ZNF706: variants seen among roughly 807,000 people sequenced by gnomAD.
ZNF706 encodes the protein zinc finger protein 706.
ZNF706 carries 4 observed loss-of-function variants against 9.2 expected under a neutral mutation model. That is an observed-to-expected ratio of 0.43 (90% CI 0.21 to 0.99). ZNF706 has a LOEUF of 0.99. Among genes scored for constraint, ZNF706 ranks in the 50% least tolerant of loss-of-function variants. The pLI is 0.26. For missense variants in ZNF706, 27 were observed against 87.8 expected, an observed-to-expected ratio of 0.31 and a Z score of 2.77; for synonymous variants, 28 against 27.3, an observed-to-expected ratio of 1.03 and a Z score of -0.08.
Position 101,198,899 on chromosome 8 carries a change from A to G in ZNF706, c.*353T>C, listed in dbSNP as rs1237251708. The G allele has an allele frequency of 4.3e-6, 1 of 234,568 alleles. No individual in the cohort carries two copies. 14.5% of individuals were successfully genotyped at this position (234,568 alleles called of 1,614,324 possible). A position where few individuals can be genotyped will look rare whatever the true frequency, so the allele number is the denominator to read the frequency against. Reference sequence around the variant, plus strand: ...TTTTTATAAGGCAAATAATGTGGAAAGTTAGAACAGAATTTCTAAAACCAT... The same window carrying G: ...TTTTTATAAGGCAAATAATGTGGAAGGTTAGAACAGAATTTCTAAAACCAT... On this transcript the variant is annotated 3_prime_UTR_variant, in exon 4 of 4. Coordinates refer to ENST00000311212, the MANE Select transcript of ZNF706 (RefSeq NM_016096.5).
chr8:101,205,955 C>T (rs1385286736), upstream of ZNF706: 1 of 152,284 alleles, frequency 6.6e-6, no homozygotes, highest in Non-Finnish European at 1.5e-5. This position sits in a 1 kb window ranked among gnomAD's most constrained non-coding sequence, Gnocchi z 6.6. Flanking sequence ...GATCCCGGTC[C>T]TGGTTGGTGA....
In ZNF706 at chr8:101,201,573, G is replaced by T. The variant is rs750601874; in HGVS notation, c.135+34C>A. On this transcript the variant is annotated intron_variant, in intron 2 of 3. Coordinates refer to ENST00000311212, the MANE Select transcript of ZNF706 (RefSeq NM_016096.5). The surrounding 1 kb of genome is among the most constrained non-coding windows in gnomAD (Gnocchi z 4.5). ...TCTATTCAAGCCAAAACTGCCCACGGGAGAGCTGTATCTTTCAATTCAATT... is the reference window on the plus strand; with the variant it reads ...TCTATTCAAGCCAAAACTGCCCACGTGAGAGCTGTATCTTTCAATTCAATT... 4 of 1,596,524 alleles carry T rather than the reference G, an allele frequency of 2.5e-6. No homozygotes were observed. The South Asian group carries it at 4.5e-5, about 18-fold the overall frequency.
intron 2 of ZNF706, 116 bp from the exon 3 acceptor site, chr8:101,200,213 T>C (rs1352988791): frequency 2.7e-6 from 2 of 735,884 alleles, no homozygotes; most frequent in East Asian, 2.8e-5. Context: ...CACCTTTAAA[T>C]TCCTACAACT....
In ZNF706 at chr8:101,197,191, T is replaced by C. The variant is rs1348292406; in HGVS notation, c.*2061A>G. The C allele has an allele frequency of 2.0e-5, 3 of 152,178 alleles. No individual in the cohort carries two copies. The highest frequency in any genetic ancestry group is 2.9e-5 in the Non-Finnish European group (2 of 68,024). 9.4% of individuals were successfully genotyped at this position (152,178 alleles called of 1,614,324 possible). ...TAACCCCATTCCTTTTGGCAAGTAATAGAAATACAGCATACAAATGGACCA... is the reference window on the plus strand; with the variant it reads ...TAACCCCATTCCTTTTGGCAAGTAACAGAAATACAGCATACAAATGGACCA... On this transcript the variant is annotated 3_prime_UTR_variant, in exon 4 of 4. Coordinates refer to ENST00000311212, the MANE Select transcript of ZNF706 (RefSeq NM_016096.5).
chr8:101,200,966 C>A, intron 2 of ZNF706: 1 of 258,324 alleles, frequency 3.9e-6, no homozygotes, highest in Non-Finnish European at 8.0e-6. Context: ...TGGGAGACCC[C>A]ACACAAATTG....
intron 2 of ZNF706, among the ~76,000 whole-genome samples, chr8:101,200,574 T>C (rs567050947): frequency 6.6e-6 from 1 of 152,346 alleles, no homozygotes; most frequent in East Asian, 1.9e-4. Context: ...TATTTATTCT[T>C]AACCCATTAA....
chr8:101,199,845 G>T, intron 3 of ZNF706, 145 bp downstream of exon 3: 1 of 599,842 alleles, frequency 1.7e-6, no homozygotes, highest in South Asian at 2.1e-5. Context: ...CTGAGAAAAA[G>T]GGACTTTTCA....
At position 101,201,571 on chromosome 8, in the gene ZNF706, C is replaced by T. The variant is rs368232339; in HGVS notation, c.135+36G>A. ...AATCTATTCAAGCCAAAACTGCCCA[C>T]GGGAGAGCTGTATCTTTCAATTCAA... On this transcript the variant is annotated intron_variant, in intron 2 of 3. Coordinates refer to ENST00000311212, the MANE Select transcript of ZNF706 (RefSeq NM_016096.5). This position sits in a 1 kb window ranked among gnomAD's most constrained non-coding sequence, Gnocchi z 4.5. 6.9e-6 allele frequency: 11 copies of T among 1,594,426 alleles called. No individual in the cohort carries two copies. Among genetic ancestry groups the T allele is most frequent in the Non-Finnish European group, 8.5e-6 (10 of 1,171,346 alleles).
At chr8:101,200,955 C>T in intron 2 of ZNF706, 1 of 249,592 alleles carries the variant, frequency 4.0e-6, no homozygotes. Context: ...TACTAACCAG[C>T]TGGGAGACCC....
intron 1 of ZNF706, chr8:101,204,849 A>G (rs909644569): frequency 3.0e-6 from 3 of 985,542 alleles, no homozygotes; most frequent in Non-Finnish European, 3.6e-6. Flanking sequence ...CTCATTCTCC[A>G]TAACCATCGG....
At chr8:101,202,166 C>T (rs540169552) in intron 1 of ZNF706, among the ~76,000 whole-genome samples, 16 of 151,564 alleles carry the variant, frequency 1.1e-4, no homozygotes, top group Admixed American at 7.2e-4. Context: ...TGTGGCCAGG[C>T]GCGGTGGCTC....
chr8:101,204,483 C>G, intron 1 of ZNF706: 1 of 323,404 alleles, frequency 3.1e-6, no homozygotes, highest in Non-Finnish European at 4.4e-6. Flanking sequence ...CATCGATTTC[C>G]TTTCTGAAAG....
intron 3 of ZNF706, among the ~76,000 whole-genome samples, 189 bp downstream of exon 3, chr8:101,199,801 T>C (rs1810493734): frequency 6.6e-6 from 1 of 152,144 alleles, no homozygotes; most frequent in African/African-American, 2.4e-5. Flanking sequence ...GTAGTAAAAA[T>C]TTGGATGTTT....
rs943358534 is a variant in ZNF706 at position 101,197,989 on chromosome 8, T to C, written c.*1263A>G. 3 of 152,186 alleles carry C rather than the reference T, an allele frequency of 2.0e-5. No homozygotes were observed. The highest frequency in any genetic ancestry group is 4.4e-5 in the Non-Finnish European group (3 of 68,030). 9.4% of individuals were successfully genotyped at this position (152,186 alleles called of 1,614,324 possible). ...AGTAAGTATTTTAGTGTTCTTTCTA[T>C]TATATTAATTTAAAAATTTAAACCG... is the stretch of plus-strand genomic sequence containing the variant. On this transcript the variant is annotated 3_prime_UTR_variant, in exon 4 of 4. Coordinates refer to ENST00000311212, the MANE Select transcript of ZNF706 (RefSeq NM_016096.5).
chr8:101,201,238 G>GA lies in ZNF706; in HGVS notation c.135+368dup, dbSNP rs1810544973. 5.7e-6 allele frequency: 1 copy of GA among 176,356 alleles called. No individual in the cohort carries two copies. The highest frequency in any genetic ancestry group is 5.9e-5 in the Admixed American group (1 of 17,072). 10.9% of individuals were successfully genotyped at this position (176,356 alleles called of 1,614,324 possible). ...ACATCCTAATTATAAATTTAGTGAA[G>GA]AAAAAACCAATTATATAACTAGAGG... On this transcript the variant is annotated intron_variant, in intron 2 of 3. Transcript: ENST00000311212. The surrounding 1 kb of genome is among the most constrained non-coding windows in gnomAD (Gnocchi z 4.5).
At position 101,201,531 on chromosome 8, in the gene ZNF706, T is replaced by C; in HGVS notation, c.135+76A>G. On this transcript the variant is annotated intron_variant, in intron 2 of 3. Coordinates refer to ENST00000311212, the MANE Select transcript of ZNF706 (RefSeq NM_016096.5). The surrounding 1 kb of genome is among the most constrained non-coding windows in gnomAD (Gnocchi z 4.5). ...TTCATGTAAAGCATCTATTTTGCCA[T>C]GGTTTCAAAATTTTAATCTATTCAA... 3 of 1,338,666 alleles carry C rather than the reference T, an allele frequency of 2.2e-6. No individual in the cohort carries two copies. The highest frequency in any genetic ancestry group is 2.7e-4 in the Middle Eastern group (1 of 3,712). 82.9% of individuals were successfully genotyped at this position (1,338,666 alleles called of 1,614,324 possible). A position where few individuals can be genotyped will look rare whatever the true frequency, so the allele number is the denominator to read the frequency against.
rs1218668699 is a variant in ZNF706, at chr8:101,198,012, C to A, written c.*1240G>T. On this transcript the variant is annotated 3_prime_UTR_variant, in exon 4 of 4. Coordinates refer to ENST00000311212, the MANE Select transcript of ZNF706 (RefSeq NM_016096.5). ...TATTATATTAATTTAAAAATTTAAA[C>A]CGAGTTAACAGCAGTTTTACAAGTT... 1 of 152,116 alleles carries A rather than the reference C, an allele frequency of 6.6e-6. No individual in the cohort carries two copies. The highest frequency in any genetic ancestry group is 1.5e-5 in the Non-Finnish European group (1 of 68,008). 9.4% of individuals were successfully genotyped at this position (152,116 alleles called of 1,614,324 possible).
rs1056326586 is a variant in ZNF706, at chr8:101,197,088, A to G, written c.*2164T>C. 6.6e-6 allele frequency: 1 copy of G among 152,188 alleles called. No individual in the cohort carries two copies. Among genetic ancestry groups the G allele is most frequent in the Non-Finnish European group, 1.5e-5 (1 of 68,012 alleles). 9.4% of individuals were successfully genotyped at this position (152,188 alleles called of 1,614,324 possible). ...ATCTTCTTTAATAAGACATTACAGC[A>G]CACAACTGAGCCCCCAGTGTGTCAG... On this transcript the variant is annotated 3_prime_UTR_variant, in exon 4 of 4. Coordinates refer to ENST00000311212, the MANE Select transcript of ZNF706 (RefSeq NM_016096.5).
Position 101,199,184 on chromosome 8 carries a change from A to C in ZNF706, c.*68T>G. On this transcript the variant is annotated 3_prime_UTR_variant, in exon 4 of 4. Transcript: ENST00000311212. ...AACAGTTTGTTAGAAAAGCAGCTGC[A>C]GGTATGTTACCTAAGGTCTGAGACA... is the stretch of plus-strand genomic sequence containing the variant. 1 of 695,628 alleles carries C rather than the reference A, an allele frequency of 1.4e-6. No individual in the cohort carries two copies. 43.1% of individuals were successfully genotyped at this position (695,628 alleles called of 1,614,324 possible). A position where few individuals can be genotyped will look rare whatever the true frequency, so the allele number is the denominator to read the frequency against.
Sources: allele counts gnomAD v4.1 joint callset (sites outside exome capture counted in the v4.1 genomes callset), GRCh38; gene constraint gnomAD v4.1.1; non-coding constraint Gnocchi (gnomAD v3.1); transcripts MANE v1.5; gene names NCBI Gene and HGNC (gene_info 2026-07-23, HGNC 2026-07-21).